LRBA: variants seen among roughly 807,000 people sequenced by gnomAD.
LRBA encodes the protein LPS responsive beige-like anchor protein.
A neutral mutation model predicts 330.0 loss-of-function variants in LRBA; 176 were observed. The observed-to-expected ratio is 0.53, with a 90% CI of 0.47 to 0.60. The LOEUF (loss-of-function observed/expected upper bound fraction) is 0.60. Among genes scored for constraint, LRBA ranks in the 20% least tolerant of loss-of-function variants. The pLI is 0.00. For missense variants in LRBA, 3,259 were observed against 3,444.8 expected, an observed-to-expected ratio of 0.95 and a Z score of 1.35; for synonymous variants, 1,230 against 1,193.0, an observed-to-expected ratio of 1.03 and a Z score of -0.64.
chr4:150,416,884 A>G (rs954169229), intron 46 of LRBA, among the ~76,000 whole-genome samples: 4 of 152,086 alleles, frequency 2.6e-5, no homozygotes, highest in Non-Finnish European at 5.9e-5. Context: ...ACCTTATTAC[A>G]TTTAATCTCA....
intron 40 of LRBA, among the ~76,000 whole-genome samples, chr4:150,512,868 A>G: frequency 6.6e-6 from 1 of 152,238 alleles, no homozygotes; most frequent in East Asian, 1.9e-4. Flanking sequence ...TATATTATGT[A>G]AGAATATTCA....
At chr4:150,383,353 C>A (rs1742570255) in intron 47 of LRBA, among the ~76,000 whole-genome samples, 1 of 152,090 alleles carries the variant, frequency 6.6e-6, no homozygotes, top group African/African-American at 2.4e-5. Flanking sequence ...GTCAAGTGAT[C>A]CTCCCACTTC....
At chr4:150,346,783 A>AAAAAAAAAC (rs1736408222) in intron 48 of LRBA, among the ~76,000 whole-genome samples, 2 of 133,470 alleles carry the variant, frequency 1.5e-5, no homozygotes, top group African/African-American at 5.2e-5. Flanking sequence ...AAAAAAAAAA[A>AAAAAAAAAC]AAAACACTTA....
At chr4:150,843,990 TCTCTGCTCCA>T in intron 28 of LRBA, 100 bp downstream of exon 28, 1 of 628,720 alleles carries the variant, frequency 1.6e-6, no homozygotes, top group Non-Finnish European at 2.8e-6. Context: ...GACCTTTCTA[TCTCTGCTCCA>T]CTATTTGATA....
chr4:150,593,107 T>A (rs913529054), intron 38 of LRBA, among the ~76,000 whole-genome samples: 2 of 152,162 alleles, frequency 1.3e-5, no homozygotes, highest in Non-Finnish European at 2.9e-5. Flanking sequence ...GCTATCAACA[T>A]TATTAAAAAT....
At chr4:150,860,742 G>A (rs994028292) in intron 22 of LRBA, among the ~76,000 whole-genome samples, 21 of 152,022 alleles carry the variant, frequency 1.4e-4, no homozygotes, top group African/African-American at 5.1e-4. Context: ...GCAGAAGAAT[G>A]GCGTGAACCC....
intron 40 of LRBA, among the ~76,000 whole-genome samples, chr4:150,510,139 CA>C (rs1344991996): frequency 6.7e-6 from 1 of 148,936 alleles, no homozygotes; most frequent in Admixed American, 6.7e-5. Flanking sequence ...GACTCCATCT[CA>C]AAAAAAAAGA....
chr4:150,702,979 G>C (rs1194838778), intron 36 of LRBA, among the ~76,000 whole-genome samples: 1 of 152,172 alleles, frequency 6.6e-6, no homozygotes, highest in East Asian at 1.9e-4. Flanking sequence ...GGCCAACATA[G>C]TGAAGCCCCC....
At chr4:150,640,235 A>G (rs1160806182) in intron 37 of LRBA, among the ~76,000 whole-genome samples, 1 of 152,098 alleles carries the variant, frequency 6.6e-6, no homozygotes, top group African/African-American at 2.4e-5. Flanking sequence ...TTAGTACTAC[A>G]CCAGTATCTA....
At chr4:150,635,900 TC>T (rs1777850036) in intron 37 of LRBA, among the ~76,000 whole-genome samples, 2 of 152,172 alleles carry the variant, frequency 1.3e-5, no homozygotes, top group Admixed American at 1.3e-4. Flanking sequence ...CTATAGTCTT[TC>T]CTGAAATTTT....
chr4:150,581,871 C>G (rs1488010069), intron 40 of LRBA: 1 of 152,334 alleles, frequency 6.6e-6, no homozygotes, highest in African/African-American at 2.4e-5. Context: ...GCTCCACCCC[C>G]TCATGATGGC....
chr4:150,968,232 G>A (rs1010280298), intron 2 of LRBA, among the ~76,000 whole-genome samples: 6 of 152,054 alleles, frequency 3.9e-5, no homozygotes, highest in African/African-American at 1.4e-4. Flanking sequence ...TCGAACTCCT[G>A]ACCTCAAGTG....
chr4:150,436,993 A>C, intron 44 of LRBA, 129 bp from the exon 45 acceptor site: 1 of 800,032 alleles, frequency 1.2e-6, no homozygotes, highest in African/African-American at 1.8e-5. Flanking sequence ...CTTAAGCTGC[A>C]ACACAGTATC....
At chr4:150,724,883 CAT>C (rs953863191) in intron 36 of LRBA, among the ~76,000 whole-genome samples, 15 of 146,072 alleles carry the variant, frequency 1.0e-4, no homozygotes, top group Middle Eastern at 3.6e-3. Flanking sequence ...TATATATATA[CAT>C]ATATATATGT....
Position 150,268,426 on chromosome 4 carries a change from T to G in LRBA, c.8469-2614A>C, listed in dbSNP as rs1021762414. On this transcript the variant is annotated intron_variant, in intron 56 of 56. Transcript: ENST00000651943. ...AGAATCCAGAACACTTCCTAAGTGATTCAATAAGGCCAGTATTACCATGAC... is the reference window on the plus strand; with the variant it reads ...AGAATCCAGAACACTTCCTAAGTGAGTCAATAAGGCCAGTATTACCATGAC... Among the ~76,000 whole-genome samples the G allele has an allele frequency of 9.2e-5, 14 of 152,336 alleles. 1 individual carries two copies. In the South Asian group the frequency reaches 1.9e-3, roughly 20 times the overall value.
At chr4:150,494,652 A>G (rs1226902848) in intron 40 of LRBA, among the ~76,000 whole-genome samples, 1 of 152,208 alleles carries the variant, frequency 6.6e-6, no homozygotes, top group Non-Finnish European at 1.5e-5. Flanking sequence ...TACTTGAAAC[A>G]CTGCAAGTGT....
chr4:150,484,390 T>C (rs1757634326), intron 42 of LRBA, among the ~76,000 whole-genome samples: 1 of 152,002 alleles, frequency 6.6e-6, no homozygotes, highest in South Asian at 2.1e-4. Flanking sequence ...ATTTGATAGC[T>C]TGTGCCTTTC....
At chr4:150,421,269 TA>T (rs960413215) in intron 46 of LRBA, among the ~76,000 whole-genome samples, 2 of 139,352 alleles carry the variant, frequency 1.4e-5, no homozygotes, top group African/African-American at 5.2e-5. Context: ...ATTTTATATA[TA>T]TAATATAAAT....
intron 40 of LRBA, among the ~76,000 whole-genome samples, chr4:150,550,975 A>C (rs1766511903): frequency 6.6e-6 from 1 of 152,298 alleles, no homozygotes; most frequent in Middle Eastern, 3.4e-3. Context: ...TGGAAACTGA[A>C]TCCCCATTTT....
Sources: allele counts gnomAD v4.1 joint callset (sites outside exome capture counted in the v4.1 genomes callset), GRCh38; gene constraint gnomAD v4.1.1; transcripts MANE v1.5; gene names NCBI Gene and HGNC (gene_info 2026-07-23, HGNC 2026-07-21).